ERN1: variants seen among roughly 807,000 people sequenced by gnomAD.
The protein encoded by ERN1 is serine/threonine-protein kinase/endoribonuclease IRE1.
Under a neutral mutation model 113.1 loss-of-function variants are expected in ERN1, and 39 were observed. The observed-to-expected ratio is 0.34, with a 90% CI of 0.27 to 0.45. The LOEUF is 0.45. Among genes scored for constraint, ERN1 ranks in the 20% least tolerant of loss-of-function variants. The pLI, the probability that ERN1 is intolerant of heterozygous loss-of-function variation, is 1.00. For missense variants in ERN1, 976 were observed against 1,274.8 expected (o/e 0.77, Z 3.57); for synonymous variants, 507 against 515.9 (o/e 0.98, Z 0.23).
At chr17:64,106,925 G>A (rs550035371) in intron 1 of ERN1, among the ~76,000 whole-genome samples, 24 of 152,194 alleles carry the variant, frequency 1.6e-4, no homozygotes, top group African/African-American at 5.8e-4. Context: ...GGCACTAAAG[G>A]ATATTCAAAA....
intron 1 of ERN1, among the ~76,000 whole-genome samples, chr17:64,115,144 C>A (rs1247792387): frequency 1.3e-5 from 2 of 152,152 alleles, no homozygotes; most frequent in Admixed American, 1.3e-4. Context: ...AGGCAGAAAT[C>A]TTGGGGATAC....
intron 12 of ERN1, among the ~76,000 whole-genome samples, chr17:64,056,421 G>C (rs1395457820): frequency 6.6e-6 from 1 of 152,168 alleles, no homozygotes; most frequent in African/African-American, 2.4e-5. Flanking sequence ...TAATCCAGAG[G>C]GGCAGGTGAG....
rs1304528903 is a variant in ERN1 at position 64,079,730 on chromosome 17, C to T, written c.214G>A (p.Ala72Thr). 2 of 1,612,908 alleles carry T rather than the reference C, an allele frequency of 1.2e-6. No individual in the cohort carries two copies. The highest frequency in any genetic ancestry group is 1.7e-6 in the Non-Finnish European group (2 of 1,178,996). Residue 72 changes from alanine to threonine, a missense_variant, in exon 4 of 22, where the codon GCC becomes ACC. This residue lies in a region of ERN1 where 459 missense variants were observed against 581.2 expected (regional missense o/e 0.79). Coordinates refer to ENST00000433197, the MANE Select transcript of ERN1 (RefSeq NM_001433.5). The stretch of plus-strand genomic sequence containing the variant: ...CCATCATTAGGATCTGGGAGAAAGG[C>T]AGGCCTAGAGATTAAATAATAAATA... ...LQVPTHVEEP[A>T]FLPDPNDGSL...
At chr17:64,058,309 T>C (rs1912944579) in intron 11 of ERN1, among the ~76,000 whole-genome samples, 1 of 152,184 alleles carries the variant, frequency 6.6e-6, no homozygotes, top group Non-Finnish European at 1.5e-5. Flanking sequence ...CACTTCCTCC[T>C]TTGATGGTAG....
At chr17:64,101,824 A>G (rs1433185452) in intron 1 of ERN1, among the ~76,000 whole-genome samples, 1 of 152,210 alleles carries the variant, frequency 6.6e-6, no homozygotes, top group East Asian at 1.9e-4. Context: ...ATATCTTATC[A>G]CAGTATTAAT....
chr17:64,095,401 C>G (rs776647978), intron 2 of ERN1, among the ~76,000 whole-genome samples: 34 of 152,128 alleles, frequency 2.2e-4, no homozygotes, highest in Non-Finnish European at 4.6e-4. Context: ...TGCACTCCAG[C>G]CTGGGCAACA....
chr17:64,061,060 C>T (rs998037859), intron 10 of ERN1, among the ~76,000 whole-genome samples: 10 of 152,258 alleles, frequency 6.6e-5, no homozygotes, highest in South Asian at 2.1e-4. Context: ...GAGCTTCCAT[C>T]GGGGAAAGTG....
Position 64,075,263 on chromosome 17 carries a change from AAAAG to A in ERN1, c.283-20_283-17del. 2.0e-6 allele frequency: 3 copies of A among 1,493,500 alleles called. No homozygotes were observed. The highest frequency in any genetic ancestry group is 1.5e-5 in the African/African-American group (1 of 68,880). 92.5% of individuals were successfully genotyped at this position (1,493,500 alleles called of 1,614,324 possible). On this transcript the variant is annotated splice_polypyrimidine_tract_variant and intron_variant, in intron 4 of 21. Coordinates refer to ENST00000433197, the MANE Select transcript of ERN1 (RefSeq NM_001433.5). ...AAGGAAGTTTCTTTAAAAAAAAAAA[AAAAG>A]AAAAAAAAAAGTTAACCAAGTCTTG...
chr17:64,040,670 A>G lies in ERN1; in HGVS notation c.*3318T>C, dbSNP rs1912308848. On this transcript the variant is annotated 3_prime_UTR_variant, in exon 22 of 22. Transcript: ENST00000433197. ...AGAACATCTATCTGTAACTGATCAGAGTGATGTCTCCTTGGAAGGGCCTCT... is the reference window on the plus strand; with the variant it reads ...AGAACATCTATCTGTAACTGATCAGGGTGATGTCTCCTTGGAAGGGCCTCT... 6.6e-6 allele frequency: 1 copy of G among 152,186 alleles called. No individual in the cohort carries two copies. The highest frequency in any genetic ancestry group is 6.5e-5 in the Admixed American group (1 of 15,268). The allele number at this position is 152,186 out of a possible 1,614,324, so 9.4% of individuals were successfully genotyped here. A position where few individuals can be genotyped will look rare whatever the true frequency, so the allele number is the denominator to read the frequency against.
At chr17:64,080,659 C>T in intron 3 of ERN1, 116 bp downstream of exon 3, 2 of 912,724 alleles carry the variant, frequency 2.2e-6, no homozygotes, top group Non-Finnish European at 3.4e-6. Context: ...ATATGTCACT[C>T]ACTGTTATTC....
chr17:64,045,194 A>C (rs947279477), intron 20 of ERN1, among the ~76,000 whole-genome samples, 165 bp downstream of exon 20: 3 of 151,990 alleles, frequency 2.0e-5, no homozygotes, highest in African/African-American at 7.3e-5. Flanking sequence ...AATGAAACAC[A>C]CATCAGTGTA....
Position 64,066,872 on chromosome 17 carries a change from C to T in ERN1, c.641G>A (p.Gly214Glu). 6.2e-7 allele frequency: 1 copy of T among 1,613,884 alleles called. No homozygotes were observed. The part of the protein sequence containing the change: ...GLVVTVDSES[G>E]DVLWIQNYAS... The stretch of plus-strand genomic sequence containing the variant: ...GTAGTTTTGGATCCACAGGACGTCC[C>T]CAGATTCACTGTCCACAGTCACCAC... The change falls in exon 8 of 22, where the codon GGG becomes GAG. Residue 214 changes from glycine (G) to glutamate (E), a missense_variant. By Grantham distance (98) the Gly-to-Glu change is moderately conservative. Coordinates refer to ENST00000433197, the MANE Select transcript of ERN1 (RefSeq NM_001433.5).
intron 17 of ERN1, among the ~76,000 whole-genome samples, chr17:64,051,438 A>G (rs1912680744): frequency 6.6e-6 from 1 of 152,232 alleles, no homozygotes; most frequent in Admixed American, 6.5e-5. Flanking sequence ...TTACAGATAC[A>G]ATCTGCCATC....
At chr17:64,087,001 T>C (rs1330442701) in intron 2 of ERN1, among the ~76,000 whole-genome samples, 5 of 152,134 alleles carry the variant, frequency 3.3e-5, no homozygotes, top group East Asian at 1.9e-4. Flanking sequence ...TGACAAAAAA[T>C]TGACAAACAG....
At chr17:64,123,353 G>A (rs1243906638) in intron 1 of ERN1, among the ~76,000 whole-genome samples, 1 of 152,142 alleles carries the variant, frequency 6.6e-6, no homozygotes, top group Non-Finnish European at 1.5e-5. Flanking sequence ...CCCCACAAAT[G>A]AGTCATTTAA....
chr17:64,120,347 G>A (rs1242315356), intron 1 of ERN1, among the ~76,000 whole-genome samples: 1 of 152,172 alleles, frequency 6.6e-6, no homozygotes, highest in Non-Finnish European at 1.5e-5. Context: ...CTCAACTGGA[G>A]ATCAATGACA....
At chr17:64,115,966 A>C (rs1327782156) in intron 1 of ERN1, among the ~76,000 whole-genome samples, 2 of 152,316 alleles carry the variant, frequency 1.3e-5, no homozygotes, top group East Asian at 3.8e-4. Context: ...TAACAATTTG[A>C]CAGAGTTTAG....
rs766635123 is a variant in ERN1, at chr17:64,044,209, AGTTAGAAAGCTCGGGAGATTAGAAAGGG to A, written c.2722-37_2722-10del. On this transcript the variant is annotated splice_polypyrimidine_tract_variant and intron_variant, in intron 21 of 21. Transcript: ENST00000433197. The surrounding 1 kb of genome is among the most constrained non-coding windows in gnomAD (Gnocchi z 4.1). ...TCCCGGTAGTGGTGCTTCTGCAAAG[AGTTAGAAAGCTCGGGAGATTAGAAAGGG>A]GTTAGAAAGCTCGGGAAATGTTGGC... The A allele has an allele frequency of 1.3e-6, 2 of 1,510,768 alleles. No individual in the cohort carries two copies. Among genetic ancestry groups the A allele is most frequent in the African/African-American group, 1.4e-5 (1 of 71,740 alleles). The allele number at this position is 1,510,768 out of a possible 1,614,324, so 93.6% of individuals were successfully genotyped here. A position where few individuals can be genotyped will look rare whatever the true frequency, so the allele number is the denominator to read the frequency against.
At position 64,057,900 on chromosome 17, in the gene ERN1, C is replaced by G. The variant is rs752871581; in HGVS notation, c.1300G>C (p.Glu434Gln). The change falls in exon 12 of 22, where the codon GAG becomes CAG. Residue 434 changes from glutamate to glutamine, a missense_variant. Physicochemically the swap from Glu to Gln is conservative, Grantham distance 29 (BLOSUM62 2). Coordinates refer to ENST00000433197, the MANE Select transcript of ERN1 (RefSeq NM_001433.5). ...EKPAHAPARP[E>Q]APVDSMLKDM... The stretch of plus-strand genomic sequence containing the variant: ...TTAAGCATGGAGTCCACGGGGGCCT[C>G]GGGCCGGGCAGGGGCATGGGCGGGC... 1 of 1,613,334 alleles carries G rather than the reference C, an allele frequency of 6.2e-7. No individual in the cohort carries two copies. The highest frequency in any genetic ancestry group is 8.5e-7 in the Non-Finnish European group (1 of 1,179,630).
Sources: gnomAD v4.1 joint callset for allele counts (sites outside exome capture counted in the v4.1 genomes callset) on GRCh38, gnomAD v4.1.1 for gene constraint, gnomAD v4.1.1 regional missense constraint, Gnocchi (gnomAD v3.1) non-coding constraint, MANE v1.5 for transcripts, NCBI Gene and HGNC (gene_info 2026-07-23, HGNC 2026-07-21) for gene names.